Variants in PTPRZ1 observed in about 807,000 individuals in gnomAD.
The protein encoded by PTPRZ1 is protein tyrosine phosphatase receptor type Z1, also known as receptor-type tyrosine-protein phosphatase zeta.
PTPRZ1 carries 82 observed loss-of-function variants against 214.1 expected under a neutral mutation model. The ratio of observed to expected loss-of-function variants is 0.38; its 90% CI spans 0.32 to 0.46. The LOEUF (loss-of-function observed/expected upper bound fraction) is 0.46. Among genes scored for constraint, PTPRZ1 ranks in the 20% least tolerant of loss-of-function variants. PTPRZ1 has a pLI of 1.00. For synonymous variants in PTPRZ1, 945 were observed against 987.9 expected (o/e 0.96, Z 0.81); for missense variants, 2,603 against 2,748.7 (o/e 0.95, Z 1.19).
intron 1 of PTPRZ1, among the ~76,000 whole-genome samples, chr7:121,912,548 A>G (rs1795309835): frequency 6.6e-6 from 1 of 152,200 alleles, no homozygotes; most frequent in Non-Finnish European, 1.5e-5. Flanking sequence ...ATGGAAATAT[A>G]GATGCTTAGT....
intron 2 of PTPRZ1, among the ~76,000 whole-genome samples, chr7:121,952,987 T>TA (rs753824442): frequency 1.9e-4 from 29 of 149,718 alleles, no homozygotes; most frequent in South Asian, 4.2e-4. Flanking sequence ...TGACACTAAT[T>TA]AAAAAAAAAA....
intron 2 of PTPRZ1, among the ~76,000 whole-genome samples, chr7:121,934,216 T>C (rs6974359): frequency 0.35 from 53,469 of 151,822 alleles, 10,155 homozygotes; most frequent in African/African-American, 0.49. Flanking sequence ...TTAACGTGAA[T>C]TAATTTTAGC....
chr7:121,899,253 G>T (rs1371784944), intron 1 of PTPRZ1, among the ~76,000 whole-genome samples: 2 of 151,870 alleles, frequency 1.3e-5, no homozygotes, highest in Admixed American at 6.6e-5. Flanking sequence ...TTATTACCCA[G>T]TTCAAATCGA....
intron 4 of PTPRZ1, among the ~76,000 whole-genome samples, chr7:121,973,340 CATG>C (rs1241686526): frequency 1.3e-5 from 2 of 151,986 alleles, no homozygotes; most frequent in Non-Finnish European, 2.9e-5. Flanking sequence ...ATAAAAGGCT[CATG>C]ATAAGGTATT....
At chr7:121,910,701 C>A (rs1202002044) in intron 1 of PTPRZ1, among the ~76,000 whole-genome samples, 2 of 152,000 alleles carry the variant, frequency 1.3e-5, no homozygotes, top group Non-Finnish European at 2.9e-5. Flanking sequence ...AGTTAGGAGG[C>A]AAATGCATTA....
chr7:122,053,650 G>A (rs1485436790), intron 25 of PTPRZ1, among the ~76,000 whole-genome samples: 2 of 152,060 alleles, frequency 1.3e-5, no homozygotes, highest in Admixed American at 6.6e-5. Context: ...TTAATCATCT[G>A]TAAAATGGGG....
intron 1 of PTPRZ1, among the ~76,000 whole-genome samples, chr7:121,878,669 G>A (rs768469081): frequency 6.6e-6 from 1 of 152,118 alleles, no homozygotes; most frequent in Non-Finnish European, 1.5e-5. Flanking sequence ...GTTATCCACT[G>A]TATTGTTTTT....
chr7:122,026,440 A>G (rs1290279469), intron 13 of PTPRZ1, among the ~76,000 whole-genome samples: 3 of 152,200 alleles, frequency 2.0e-5, no homozygotes, highest in Admixed American at 6.5e-5. Context: ...TTCCATATCA[A>G]TATGTCAGAA....
chr7:121,994,236 T>A (rs1057331520), intron 8 of PTPRZ1, among the ~76,000 whole-genome samples: 6 of 152,008 alleles, frequency 3.9e-5, no homozygotes, highest in African/African-American at 1.4e-4. Context: ...ATCCTTTATT[T>A]TTTTCTTAAG....
intron 1 of PTPRZ1, among the ~76,000 whole-genome samples, chr7:121,880,278 GT>G (rs1238057048): frequency 1.3e-5 from 2 of 152,034 alleles, no homozygotes; most frequent in East Asian, 3.9e-4. Flanking sequence ...ACAGGGGATA[GT>G]TTTTTTTACA....
At chr7:121,965,075 C>G (rs1374391861) in intron 2 of PTPRZ1, among the ~76,000 whole-genome samples, 1 of 152,160 alleles carries the variant, frequency 6.6e-6, no homozygotes, top group Non-Finnish European at 1.5e-5. Flanking sequence ...TTAAAGTGTA[C>G]TTTAGTTACT....
chr7:122,013,348 T>A lies in PTPRZ1; in HGVS notation c.4302T>A (p.Ser1434Arg). 6.2e-7 allele frequency: 1 copy of A among 1,614,166 alleles called. No individual in the cohort carries two copies. ...ATGATGATGATGATGACAGAGGTAG[T>A]GATGGCTTATCCATTCATAAGTGTA... ...DGDDDDDDRG[S>R]DGLSIHKCMS... Residue 1434 changes from serine (S) to arginine (R), a missense_variant, in exon 12 of 30, where the codon AGT becomes AGA. Physicochemically the swap from Ser to Arg is moderately radical, Grantham distance 110. This residue lies in a region of PTPRZ1 where 1,913 missense variants were observed against 1,914.3 expected (regional missense o/e 1.00). Transcript: ENST00000393386.
intron 1 of PTPRZ1, among the ~76,000 whole-genome samples, chr7:121,905,565 T>A (rs1795090300): frequency 6.6e-6 from 1 of 152,056 alleles, no homozygotes; most frequent in Non-Finnish European, 1.5e-5. Flanking sequence ...GATTCAAATC[T>A]AAGATTTTGT....
At chr7:121,887,319 G>A (rs1794426350) in intron 1 of PTPRZ1, among the ~76,000 whole-genome samples, 1 of 152,082 alleles carries the variant, frequency 6.6e-6, no homozygotes, top group Admixed American at 6.6e-5. Flanking sequence ...AATCATTTCT[G>A]CCTAATCAAA....
At chr7:121,912,892 G>A (rs1294833447) in intron 1 of PTPRZ1, among the ~76,000 whole-genome samples, 1 of 152,144 alleles carries the variant, frequency 6.6e-6, no homozygotes, top group African/African-American at 2.4e-5. Context: ...TCTGAAAAAG[G>A]TTGGGGAACA....
intron 10 of PTPRZ1, among the ~76,000 whole-genome samples, chr7:121,998,560 G>A (rs532763988): frequency 6.6e-6 from 1 of 152,052 alleles, no homozygotes; most frequent in African/African-American, 2.4e-5. Flanking sequence ...ACAAACAAAA[G>A]TTGTTTCTAC....
intron 1 of PTPRZ1, 74 bp downstream of exon 1, chr7:121,873,631 C>T (rs932429746): frequency 6.5e-7 from 1 of 1,529,580 alleles, no homozygotes; most frequent in East Asian, 2.3e-5. Flanking sequence ...TCAGCGTGTC[C>T]GCGACTTGCC....
chr7:121,881,931 G>A (rs949786575), intron 1 of PTPRZ1, among the ~76,000 whole-genome samples: 3 of 152,066 alleles, frequency 2.0e-5, no homozygotes, highest in African/African-American at 7.2e-5. Flanking sequence ...TGCATAATTT[G>A]TTAGAACTTG....
chr7:121,933,600 A>T (rs1389550857), intron 2 of PTPRZ1, among the ~76,000 whole-genome samples: 1 of 152,176 alleles, frequency 6.6e-6, no homozygotes, highest in Non-Finnish European at 1.5e-5. Flanking sequence ...TATCGAATTG[A>T]TTCTATTTCT....
Sources: allele counts gnomAD v4.1 joint callset (sites outside exome capture counted in the v4.1 genomes callset), GRCh38; gene constraint gnomAD v4.1.1; regional missense constraint gnomAD v4.1.1; transcripts MANE v1.5; gene names NCBI Gene and HGNC (gene_info 2026-07-23, HGNC 2026-07-21).